CDH7: variants seen among roughly 807,000 people sequenced by gnomAD.
CDH7 encodes cadherin 7.
Under a neutral mutation model 71.8 loss-of-function variants are expected in CDH7, and 25 were observed. The observed-to-expected ratio is 0.35, with a 90% CI of 0.25 to 0.49. CDH7 has a LOEUF of 0.49. CDH7 is among the 20% of genes least tolerant of loss of function. The pLI is 0.99. For missense variants in CDH7, 862 were observed against 974.6 expected (o/e 0.88, Z 1.54); for synonymous variants, 381 against 363.8 (o/e 1.05, Z -0.54).
In CDH7 at chr18:65,809,963, C is replaced by T. The variant is rs2143906872; in HGVS notation, c.470C>T (p.Pro157Leu). The T allele has an allele frequency of 1.2e-6, 2 of 1,613,606 alleles. No homozygotes were observed. Among genetic ancestry groups the T allele is most frequent in the African/African-American group, 2.7e-5 (2 of 74,926 alleles). The change falls in exon 3 of 12, where the codon CCA (proline) becomes CTA (leucine). Residue 157 changes from proline to leucine, a missense_variant. Coordinates refer to ENST00000397968, the MANE Select transcript of CDH7 (RefSeq NM_004361.5). ...NDNEPKFLDG[P>L]YTAGVPEMSP... ...AATGAACCCAAATTTTTGGATGGCC[C>T]ATACACGGCAGGAGTTCCCGAAATG...
intron 1 of CDH7, among the ~76,000 whole-genome samples, chr18:65,760,109 A>G (rs759914234): frequency 7.2e-5 from 11 of 152,158 alleles, no homozygotes; most frequent in Non-Finnish European, 1.6e-4. Flanking sequence ...TAATTTTAAC[A>G]TAGCCAGTTT....
At chr18:65,872,480 T>A (rs1179451247) in intron 11 of CDH7, among the ~76,000 whole-genome samples, 1 of 152,166 alleles carries the variant, frequency 6.6e-6, no homozygotes, top group Non-Finnish European at 1.5e-5. Context: ...TGGAATAGTG[T>A]GCCTGGAGAT....
chr18:65,840,329 T>A (rs1912683553), intron 6 of CDH7, among the ~76,000 whole-genome samples: 1 of 152,176 alleles, frequency 6.6e-6, no homozygotes, highest in Non-Finnish European at 1.5e-5. Flanking sequence ...GTCCCCTATT[T>A]GATTCCAGAC....
intron 2 of CDH7, among the ~76,000 whole-genome samples, chr18:65,808,440 G>C (rs1911404301): frequency 1.3e-5 from 2 of 152,144 alleles, no homozygotes; most frequent in South Asian, 4.1e-4. Context: ...GGATCCACTA[G>C]ATAATTCACA....
At chr18:65,869,471 T>C in intron 11 of CDH7, among the ~76,000 whole-genome samples, 1 of 151,998 alleles carries the variant, frequency 6.6e-6, no homozygotes, top group Non-Finnish European at 1.5e-5. Context: ...ATTGCATCTG[T>C]TGCTTTTTCT....
chr18:65,751,363 TG>T (rs1363497764), intron 1 of CDH7, among the ~76,000 whole-genome samples: 1 of 152,210 alleles, frequency 6.6e-6, no homozygotes, highest in Non-Finnish European at 1.5e-5. Context: ...CGGGGGCGTT[TG>T]GCCCGGAAAG....
chr18:65,781,970 C>CTCTCTCTCTCTTTCTCTCTTTCTCTCTT (rs1568182046), intron 2 of CDH7, among the ~76,000 whole-genome samples: 1 of 71,072 alleles, frequency 1.4e-5, no homozygotes, highest in African/African-American at 1.0e-4. Context: ...CTTTCTCTCT[C>CTCTCTCTCTCTTTCTCTCTTTCTCTCTT]TCTCTCTCTC....
intron 11 of CDH7, among the ~76,000 whole-genome samples, chr18:65,864,375 GT>G (rs1568228048): frequency 6.6e-6 from 1 of 150,606 alleles, no homozygotes; most frequent in Admixed American, 6.6e-5. Context: ...ATGTTTTGCG[GT>G]TTTTTGTTTG....
At chr18:65,758,869 C>T (rs1176156831) in intron 1 of CDH7, among the ~76,000 whole-genome samples, 2 of 152,160 alleles carry the variant, frequency 1.3e-5, no homozygotes, top group Admixed American at 6.5e-5. Flanking sequence ...CAATTATGTG[C>T]CTACTTCAGT....
intron 4 of CDH7, 111 bp downstream of exon 4, chr18:65,814,715 C>T: frequency 1.2e-6 from 1 of 851,016 alleles, no homozygotes; most frequent in South Asian, 2.1e-5. Flanking sequence ...TATTATGCTT[C>T]TCTCAATATG....
At chr18:65,845,217 A>G (rs1218032544) in intron 7 of CDH7, among the ~76,000 whole-genome samples, 2 of 151,728 alleles carry the variant, frequency 1.3e-5, no homozygotes, top group East Asian at 1.9e-4. Context: ...ATGTATATAT[A>G]TACATACACA....
intron 6 of CDH7, among the ~76,000 whole-genome samples, chr18:65,841,134 A>G (rs1231736907): frequency 6.6e-6 from 1 of 152,164 alleles, no homozygotes; most frequent in African/African-American, 2.4e-5. Flanking sequence ...CTTGATTCAT[A>G]GACTTTCATA....
chr18:65,821,135 A>AC (rs141639121), intron 4 of CDH7, among the ~76,000 whole-genome samples: 126,898 of 150,782 alleles, frequency 0.84, 54,718 homozygotes, highest in East Asian at 0.99. Context: ...AAACAAACAA[A>AC]AAAAAAAACA....
chr18:65,821,732 A>G (rs1219207197), intron 4 of CDH7, among the ~76,000 whole-genome samples: 1 of 152,136 alleles, frequency 6.6e-6, no homozygotes, highest in African/African-American at 2.4e-5. Flanking sequence ...GAAGAAAAAG[A>G]CAAGTTCATT....
rs1276343962 is a variant in CDH7, at chr18:65,885,326, T to C, written c.*4432T>C. 1 of 149,338 alleles carries C rather than the reference T, an allele frequency of 6.7e-6. No homozygotes were observed. Among genetic ancestry groups the C allele is most frequent in the Non-Finnish European group, 1.5e-5 (1 of 67,642 alleles). The allele number at this position is 149,338 out of a possible 1,614,324, so 9.3% of individuals were successfully genotyped here. A position where few individuals can be genotyped will look rare whatever the true frequency, so the allele number is the denominator to read the frequency against. ...TTCTGACACTTTTTCATTGTTATGC[T>C]AACTTCTACTGGCTTAGAATGTAAC... On this transcript the variant is annotated 3_prime_UTR_variant, in exon 12 of 12. Coordinates refer to ENST00000397968, the MANE Select transcript of CDH7 (RefSeq NM_004361.5).
intron 2 of CDH7, among the ~76,000 whole-genome samples, chr18:65,800,166 A>G (rs1038820579): frequency 2.0e-5 from 3 of 152,060 alleles, no homozygotes; most frequent in African/African-American, 7.2e-5. Flanking sequence ...TGCAACCTCC[A>G]TCTCCCAGGT....
At chr18:65,839,083 T>C (rs773157707) in intron 6 of CDH7, among the ~76,000 whole-genome samples, 3 of 152,188 alleles carry the variant, frequency 2.0e-5, no homozygotes, top group Non-Finnish European at 4.4e-5. Flanking sequence ...GATAACATCA[T>C]ACAGTTGATG....
intron 6 of CDH7, among the ~76,000 whole-genome samples, chr18:65,834,591 A>G (rs1275376245): frequency 6.6e-6 from 1 of 152,222 alleles, no homozygotes; most frequent in South Asian, 2.1e-4. Flanking sequence ...TAACAAACAA[A>G]GTTTTATATT....
chr18:65,762,732 A>C lies in CDH7; in HGVS notation c.-111A>C. 1 of 765,402 alleles carries C rather than the reference A, an allele frequency of 1.3e-6. No homozygotes were observed. The highest frequency in any genetic ancestry group is 2.1e-6 in the Non-Finnish European group (1 of 479,714). The allele number at this position is 765,402 out of a possible 1,614,324, so 47.4% of individuals were successfully genotyped here. ...ACACTCTACAGATTATTATCTCTGG[A>C]CTCCCAGCTGACACCCTGCCGGAGG... On this transcript the variant is annotated 5_prime_UTR_variant, in exon 2 of 12. Coordinates refer to ENST00000397968, the MANE Select transcript of CDH7 (RefSeq NM_004361.5).
Sources: allele counts gnomAD v4.1 joint callset (sites outside exome capture counted in the v4.1 genomes callset), GRCh38; gene constraint gnomAD v4.1.1; transcripts MANE v1.5; gene names NCBI Gene and HGNC (gene_info 2026-07-23, HGNC 2026-07-21).